The following LRTM3 variants were observed in gnomAD, a reference collection of about 807,000 sequenced individuals.
LRTM3 encodes the protein leucine-rich repeat transmembrane protein 3.
At chr13:102,751,277 G>C in the LRTM3 span, among the ~76,000 whole-genome samples, 1 of 150,810 alleles carries the variant, frequency 6.6e-6, no homozygotes, top group Non-Finnish European at 1.5e-5. Context: ...CACACTTTAG[G>C]CTTGCAAGTC....
the LRTM3 span, chr13:102,745,787 T>C: frequency 1.2e-5 from 19 of 1,551,204 alleles, no homozygotes; most frequent in Non-Finnish European, 1.6e-5. Flanking sequence ...TTCCCCAGAC[T>C]TTAGAGGTGA....
chr13:102,751,147 T>G, the LRTM3 span, among the ~76,000 whole-genome samples: 1 of 152,080 alleles, frequency 6.6e-6, no homozygotes, highest in Non-Finnish European at 1.5e-5. Context: ...CTTCCTAATG[T>G]GGGTGGGCAT....
At chr13:102,730,766 T>C in the LRTM3 span, 1 of 1,551,554 alleles carries the variant, frequency 6.4e-7, no homozygotes, top group African/African-American at 1.4e-5. Flanking sequence ...TAACTTACTA[T>C]GTTTGGGAAG....
chr13:102,742,445 G>A, the LRTM3 span: 1,686 of 1,548,030 alleles, frequency 1.1e-3, 15 homozygotes, highest in African/African-American at 0.019. Context: ...AAATGTCTTG[G>A]GATCTGCCCT....
At chr13:102,738,007 G>T in the LRTM3 span, 24 of 1,550,066 alleles carry the variant, frequency 1.5e-5, no homozygotes, top group Non-Finnish European at 2.0e-5. Context: ...CTTGCTCTTT[G>T]TCTTCTCTAT....
the LRTM3 span, chr13:102,736,685 A>G: frequency 6.4e-7 from 1 of 1,550,522 alleles, no homozygotes; most frequent in South Asian, 1.2e-5. Flanking sequence ...ACTGATGTTC[A>G]CCTGCAGTTC....
chr13:102,730,645 A>T, the LRTM3 span: 28 of 1,551,976 alleles, frequency 1.8e-5, no homozygotes, highest in African/African-American at 8.2e-5. Context: ...ATGAGTTTTC[A>T]TGGGGACTTT....
the LRTM3 span, chr13:102,747,758 AAT>A: frequency 6.4e-7 from 1 of 1,551,200 alleles, no homozygotes; most frequent in African/African-American, 1.4e-5. Flanking sequence ...CTCAACTTGA[AAT>A]GGATCCATCA....
chr13:102,738,009 CT>C, the LRTM3 span: 1 of 1,550,462 alleles, frequency 6.4e-7, no homozygotes, highest in Non-Finnish European at 8.7e-7. Context: ...TGCTCTTTGT[CT>C]TCTCTATCAA....
chr13:102,748,539 G>T, the LRTM3 span: 4 of 1,550,688 alleles, frequency 2.6e-6, no homozygotes, highest in Admixed American at 7.9e-5. Context: ...TCTGAACTTT[G>T]TAGGTCCTCC....
At chr13:102,749,330 A>G in the LRTM3 span, 2 of 1,551,324 alleles carry the variant, frequency 1.3e-6, no homozygotes, top group South Asian at 2.4e-5. Flanking sequence ...ATCCTGGTTC[A>G]ATTCTGATGA....
chr13:102,738,091 C>A, the LRTM3 span: 1 of 1,550,894 alleles, frequency 6.4e-7, no homozygotes, highest in African/African-American at 1.4e-5. Context: ...CTTTCCCTTG[C>A]TCCTGAGCTT....
the LRTM3 span, chr13:102,740,294 A>T: frequency 1.8e-5 from 28 of 1,550,072 alleles, no homozygotes; most frequent in Non-Finnish European, 2.4e-5. Context: ...TTGTTTTTTC[A>T]TCTGCCTTGG....
the LRTM3 span, chr13:102,743,833 T>C: frequency 4.5e-6 from 7 of 1,549,822 alleles, no homozygotes; most frequent in Admixed American, 1.4e-4. Context: ...ATATAATTTC[T>C]TTTTCTGATA....
the LRTM3 span, chr13:102,738,298 A>C: frequency 6.4e-7 from 1 of 1,550,790 alleles, no homozygotes; most frequent in Non-Finnish European, 8.7e-7. Context: ...TGGCCACTCC[A>C]TCTGCTTTTT....
the LRTM3 span, chr13:102,739,669 G>T: frequency 5.2e-6 from 8 of 1,550,328 alleles, no homozygotes; most frequent in Non-Finnish European, 7.0e-6. Context: ...TGATGTTAGG[G>T]CTTTTTATTC....
At chr13:102,735,920 C>T in the LRTM3 span, 1 of 1,541,358 alleles carries the variant, frequency 6.5e-7, no homozygotes, top group Non-Finnish European at 8.8e-7. Context: ...TACTCCTTCC[C>T]CTTGCTCTTC....
chr13:102,743,609 T>C, the LRTM3 span: 1 of 1,550,430 alleles, frequency 6.4e-7, no homozygotes, highest in Non-Finnish European at 8.7e-7. Context: ...CATGAAGAAA[T>C]CTAAAGGACC....
chr13:102,746,546 C>G, the LRTM3 span: 1 of 1,550,796 alleles, frequency 6.4e-7, no homozygotes, highest in Admixed American at 2.0e-5. Flanking sequence ...CTTTCTGTGG[C>G]TTGTGACACT....
Sources: gnomAD v4.1 joint callset for allele counts (sites outside exome capture counted in the v4.1 genomes callset) on GRCh38, gnomAD v4.1.1 for gene constraint, MANE v1.5 for transcripts, NCBI Gene and HGNC (gene_info 2026-07-23, HGNC 2026-07-21) for gene names.